XRRA1: variants seen among roughly 807,000 people sequenced by gnomAD.
XRRA1 encodes X-ray radiation resistance associated 1.
Under a neutral mutation model 80.2 loss-of-function variants are expected in XRRA1, and 69 were observed. The ratio of observed to expected loss-of-function variants is 0.86; its 90% CI spans 0.71 to 1.05. The LOEUF (loss-of-function observed/expected upper bound fraction) is 1.05, where lower values mean the gene tolerates loss of function less well. Ranked by LOEUF, XRRA1 falls within the 50% of genes least tolerant of loss-of-function variation. The probability of loss-of-function intolerance (pLI) is 0.00; values close to 1 mark genes in which losing one functional copy is unlikely to be tolerated. For missense variants in XRRA1, 967 were observed against 976.4 expected (o/e 0.99, Z 0.13); for synonymous variants, 348 against 389.9 (o/e 0.89, Z 1.27).
At chr11:74,887,891 G>T (rs888642482) in intron 10 of XRRA1, among the ~76,000 whole-genome samples, 1 of 152,160 alleles carries the variant, frequency 6.6e-6, no homozygotes, top group Non-Finnish European at 1.5e-5. Flanking sequence ...ACCCGCCATT[G>T]CCGAGGCTTG....
chr11:74,939,773 A>C lies in XRRA1; in HGVS notation c.94+1012T>G, dbSNP rs574407903. ...AATATACATATGTACACTAAAACAT[A>C]TAGATATATACAACTATATTTATTT... On this transcript the variant is annotated intron_variant, in intron 3 of 18. Coordinates refer to ENST00000684022, the MANE Select transcript of XRRA1 (RefSeq NM_001378157.1). Among the ~76,000 whole-genome samples the C allele has an allele frequency of 3.3e-5, 5 of 152,342 alleles. No homozygotes were observed. In the East Asian group the frequency reaches 9.6e-4, roughly 29 times the overall value.
intron 2 of XRRA1, among the ~76,000 whole-genome samples, chr11:74,943,173 G>GT (rs1159151020): frequency 1.3e-5 from 2 of 152,234 alleles, no homozygotes; most frequent in Non-Finnish European, 2.9e-5. Context: ...CCAATTTACA[G>GT]TGAGTCAGAA....
At chr11:74,847,884 A>G (rs1250030412) in intron 15 of XRRA1, among the ~76,000 whole-genome samples, 1 of 152,224 alleles carries the variant, frequency 6.6e-6, no homozygotes, top group African/African-American at 2.4e-5. Flanking sequence ...ACTGTGCCAC[A>G]GAACCATGAC....
Position 74,906,532 on chromosome 11 carries a change from A to T in XRRA1, c.786-76T>A. On this transcript the variant is annotated intron_variant, in intron 9 of 18. Coordinates refer to ENST00000684022, the MANE Select transcript of XRRA1 (RefSeq NM_001378157.1). ...GATTGTTTACCAAGCAACTTTAGGG[A>T]AAAAACATGGAATCAGGCTTGGATA... 7 of 1,500,706 alleles carry T rather than the reference A, an allele frequency of 4.7e-6. No homozygotes were observed. In the South Asian group the frequency reaches 9.0e-5, roughly 19 times the overall value. The allele number at this position is 1,500,706 out of a possible 1,614,324, so 93.0% of individuals were successfully genotyped here.
At position 74,848,423 on chromosome 11, in the gene XRRA1, C is replaced by T; in HGVS notation, c.1420G>A (p.Val474Met). The change falls in exon 15 of 19, where the codon GTG becomes ATG. Residue 474 changes from valine to methionine, a missense_variant. Val to Met is a conservative substitution (Grantham distance 21, BLOSUM62 1). Coordinates refer to ENST00000684022, the MANE Select transcript of XRRA1 (RefSeq NM_001378157.1). The stretch of plus-strand genomic sequence containing the variant: ...GTCGTCATGCGCGGGTGATGGAGCA[C>T]CAGAGGCTGCTTCGGCACCTTTGGG... ...EIPKVPKQPL[V>M]LHHPRMTTTK... 2 of 1,612,670 alleles carry T rather than the reference C, an allele frequency of 1.2e-6. No individual in the cohort carries two copies. The highest frequency in any genetic ancestry group is 1.1e-5 in the South Asian group (1 of 91,048).
At chr11:74,906,692 GC>G in intron 9 of XRRA1, 1 of 566,198 alleles carries the variant, frequency 1.8e-6, no homozygotes, top group South Asian at 2.2e-5. Flanking sequence ...TATGTAAATG[GC>G]CTGGCACAAA....
chr11:74,926,964 T>C (rs967423778), intron 7 of XRRA1, among the ~76,000 whole-genome samples: 3 of 151,844 alleles, frequency 2.0e-5, no homozygotes, highest in African/African-American at 7.3e-5. Flanking sequence ...AATCAGTCTA[T>C]AATGTCTCTA....
Position 74,840,931 on chromosome 11 carries a change from A to G in XRRA1, c.*2269T>C, listed in dbSNP as rs1284515672. 6.6e-6 allele frequency: 1 copy of G among 151,900 alleles called. No homozygotes were observed. The highest frequency in any genetic ancestry group is 2.4e-5 in the African/African-American group (1 of 41,352). 9.4% of individuals were successfully genotyped at this position (151,900 alleles called of 1,614,324 possible). On this transcript the variant is annotated 3_prime_UTR_variant, in exon 19 of 19. Coordinates refer to ENST00000684022, the MANE Select transcript of XRRA1 (RefSeq NM_001378157.1). ...CCAATGATGGGGATACCCCCAAATG[A>G]TTTAGGAGGTTATTTTATTTTAATA...
intron 10 of XRRA1, among the ~76,000 whole-genome samples, chr11:74,869,828 C>T (rs1211534501): frequency 6.6e-6 from 1 of 152,176 alleles, no homozygotes; most frequent in Non-Finnish European, 1.5e-5. Context: ...ATCTGACAAG[C>T]CATTTCTCTG....
chr11:74,844,924 C>G, intron 16 of XRRA1, 149 bp downstream of exon 16: 1 of 755,818 alleles, frequency 1.3e-6, no homozygotes, highest in South Asian at 1.8e-5. Flanking sequence ...AAAGGACACC[C>G]TAAAAGGAGC....
At chr11:74,862,786 G>T (rs1461114287) in intron 11 of XRRA1, among the ~76,000 whole-genome samples, 195 bp downstream of exon 11, 2 of 152,048 alleles carry the variant, frequency 1.3e-5, no homozygotes, top group Non-Finnish European at 2.9e-5. Flanking sequence ...TACAGGTAAG[G>T]TCAAGACATG....
intron 10 of XRRA1, among the ~76,000 whole-genome samples, chr11:74,891,738 C>G (rs2050761686): frequency 6.6e-6 from 1 of 152,160 alleles, no homozygotes; most frequent in Admixed American, 6.5e-5. Context: ...GCAAAAATCA[C>G]AAGCATTCTT....
intron 10 of XRRA1, among the ~76,000 whole-genome samples, chr11:74,865,123 GCTT>G (rs2043117640): frequency 1.3e-5 from 2 of 151,856 alleles, no homozygotes; most frequent in Admixed American, 1.3e-4. Context: ...AACAAGATGG[GCTT>G]CTTCCCATAT....
intron 8 of XRRA1, among the ~76,000 whole-genome samples, chr11:74,916,371 CTT>C (rs779995091): frequency 3.3e-5 from 5 of 151,968 alleles, no homozygotes; most frequent in African/African-American, 1.2e-4. Flanking sequence ...TTTTTTTCCT[CTT>C]GTTTCTCTGA....
intron 10 of XRRA1, among the ~76,000 whole-genome samples, chr11:74,894,270 G>T (rs769256510): frequency 1.3e-5 from 2 of 152,082 alleles, no homozygotes; most frequent in African/African-American, 4.8e-5. Flanking sequence ...GAGGGTAGAG[G>T]GTGGGTAAAG....
chr11:74,842,467 A>G lies in XRRA1; in HGVS notation c.*733T>C, dbSNP rs1185118799. On this transcript the variant is annotated 3_prime_UTR_variant, in exon 19 of 19. Coordinates refer to ENST00000684022, the MANE Select transcript of XRRA1 (RefSeq NM_001378157.1). ...CTGGTGAACAATCTCAGACAAAAAC[A>G]TGGGTTAAGCTTAGGCTGTGTGTGG... is the stretch of plus-strand genomic sequence containing the variant. The G allele has an allele frequency of 6.6e-6, 1 of 152,236 alleles. No homozygotes were observed. Among genetic ancestry groups the G allele is most frequent in the Non-Finnish European group, 1.5e-5 (1 of 68,036 alleles). 9.4% of individuals were successfully genotyped at this position (152,236 alleles called of 1,614,324 possible).
At chr11:74,912,124 C>T (rs965894545) in intron 8 of XRRA1, among the ~76,000 whole-genome samples, 1 of 152,094 alleles carries the variant, frequency 6.6e-6, no homozygotes, top group East Asian at 1.9e-4. Context: ...CAGAAAACAC[C>T]CAGTCAGGAA....
At chr11:74,894,525 C>T (rs765362187) in intron 10 of XRRA1, among the ~76,000 whole-genome samples, 4 of 152,144 alleles carry the variant, frequency 2.6e-5, no homozygotes, top group Admixed American at 6.5e-5. Flanking sequence ...TGGCAGAAAG[C>T]GAGGGGGAGG....
At chr11:74,883,059 G>A (rs1371741860) in intron 10 of XRRA1, among the ~76,000 whole-genome samples, 7 of 133,284 alleles carry the variant, frequency 5.3e-5, no homozygotes, top group Non-Finnish European at 1.2e-4. Flanking sequence ...CTTCCCGGCT[G>A]CTTTGTTTAC....
Sources: allele counts gnomAD v4.1 joint callset (sites outside exome capture counted in the v4.1 genomes callset), GRCh38; gene constraint gnomAD v4.1.1; transcripts MANE v1.5; gene names NCBI Gene and HGNC (gene_info 2026-07-23, HGNC 2026-07-21).